Variants in GRIN2A observed in about 807,000 individuals in gnomAD.
The protein encoded by GRIN2A is glutamate ionotropic receptor NMDA type subunit 2A, also known as glutamate receptor ionotropic, NMDA 2A.
GRIN2A carries 22 observed loss-of-function variants against 113.4 expected under a neutral mutation model. The observed-to-expected ratio is 0.19, with a 90% CI of 0.14 to 0.28. GRIN2A has a LOEUF of 0.28. GRIN2A is among the 10% of genes least tolerant of loss of function. GRIN2A has a pLI of 1.00. For missense variants in GRIN2A, 1,502 were observed against 1,887.0 expected (o/e 0.80, Z 3.78); for synonymous variants, 827 against 738.4 (o/e 1.12, Z -1.94).
At chr16:9,931,038 G>T (rs1174060967) in intron 3 of GRIN2A, among the ~76,000 whole-genome samples, 2 of 152,120 alleles carry the variant, frequency 1.3e-5, no homozygotes, top group African/African-American at 4.8e-5. Context: ...CATCAATGAA[G>T]GCCAAATAAC....
At chr16:10,114,894 T>C (rs1235695550) in intron 2 of GRIN2A, among the ~76,000 whole-genome samples, 1 of 152,270 alleles carries the variant, frequency 6.6e-6, no homozygotes, top group Non-Finnish European at 1.5e-5. Context: ...ATATTTTCTA[T>C]GTAAAACTAA....
intron 2 of GRIN2A, among the ~76,000 whole-genome samples, chr16:10,092,921 C>A (rs2048209341): frequency 1.3e-5 from 2 of 150,874 alleles, no homozygotes; most frequent in African/African-American, 4.9e-5. Context: ...TCACTGCAGC[C>A]TCTGCCTCCT....
chr16:9,969,356 C>G (rs963696151), intron 2 of GRIN2A, among the ~76,000 whole-genome samples: 4 of 152,174 alleles, frequency 2.6e-5, no homozygotes, highest in African/African-American at 7.2e-5. Context: ...TAGATGCACA[C>G]TTTCTTCACT....
intron 11 of GRIN2A, among the ~76,000 whole-genome samples, chr16:9,775,507 C>T (rs76467303): frequency 6.6e-6 from 1 of 152,124 alleles, no homozygotes; most frequent in African/African-American, 2.4e-5. Context: ...GTGAGAGAGA[C>T]AGTCATGAAA....
In GRIN2A at chr16:9,849,209, CTA is replaced by C. The variant is rs2141367651; in HGVS notation, c.1328+545_1328+546del. Among the ~76,000 whole-genome samples the C allele has an allele frequency of 2.2e-5, 3 of 138,622 alleles. No homozygotes were observed. The South Asian group carries it at 6.7e-4, about 31-fold the overall frequency. The allele number at this position is 138,622 out of a possible 152,430, so 90.9% of individuals were successfully genotyped here. A position where few individuals can be genotyped will look rare whatever the true frequency, so the allele number is the denominator to read the frequency against. On this transcript the variant is annotated intron_variant, in intron 5 of 12. Transcript: ENST00000330684. ...TTTAAATATATAAAATATATAATTT[CTA>C]TATATTTATATATAATGTTTTATAT... is the stretch of plus-strand genomic sequence containing the variant.
intron 3 of GRIN2A, among the ~76,000 whole-genome samples, chr16:9,907,039 T>C (rs1212665940): frequency 1.3e-5 from 2 of 152,236 alleles, no homozygotes; most frequent in South Asian, 2.1e-4. Context: ...TCATGAACCC[T>C]TGGACTCGAG....
intron 3 of GRIN2A, among the ~76,000 whole-genome samples, chr16:9,914,004 G>A (rs771465064): frequency 2.0e-5 from 3 of 151,710 alleles, no homozygotes; most frequent in Non-Finnish European, 4.4e-5. Context: ...AATCCATTAC[G>A]TGAAGGCATT....
intron 2 of GRIN2A, among the ~76,000 whole-genome samples, chr16:10,148,025 C>T (rs564754131): frequency 9.5e-4 from 144 of 152,320 alleles, no homozygotes; most frequent in Non-Finnish European, 1.6e-3. Flanking sequence ...GACTTGCCTT[C>T]CTGAGCTTCC....
At chr16:10,077,801 C>T (rs1461705736) in intron 2 of GRIN2A, among the ~76,000 whole-genome samples, 1 of 152,178 alleles carries the variant, frequency 6.6e-6, no homozygotes, top group African/African-American at 2.4e-5. Context: ...TGCTCTTCTG[C>T]GTAGCCCACT....
At chr16:9,940,116 G>C (rs1013963200) in intron 2 of GRIN2A, among the ~76,000 whole-genome samples, 1 of 151,296 alleles carries the variant, frequency 6.6e-6, no homozygotes, top group Admixed American at 6.6e-5. Context: ...ATGTTTTTCA[G>C]AACAATACTT....
intron 2 of GRIN2A, 40 bp from the exon 3 acceptor site, chr16:9,938,591 A>C: frequency 6.7e-7 from 1 of 1,482,306 alleles, no homozygotes; most frequent in South Asian, 1.1e-5. Flanking sequence ...ATGAGGCAGG[A>C]GGTGGTTTAT....
chr16:9,881,982 T>G (rs1205209440), intron 4 of GRIN2A, among the ~76,000 whole-genome samples: 1 of 152,174 alleles, frequency 6.6e-6, no homozygotes, highest in Admixed American at 6.6e-5. Context: ...GAACAATGTT[T>G]GCATAAATAC....
chr16:10,180,574 T>G lies in GRIN2A; in HGVS notation c.-18-145A>C. On this transcript the variant is annotated intron_variant, in intron 1 of 12. Transcript: ENST00000330684. The surrounding 1 kb of genome is among the most constrained non-coding windows in gnomAD (Gnocchi z 7.0). ...CTGGGATCACGGACTCCATTCCGAGTCCCCGACGCCATCCACATCCCTCGA... is the reference window on the plus strand; with the variant it reads ...CTGGGATCACGGACTCCATTCCGAGGCCCCGACGCCATCCACATCCCTCGA... 3.5e-6 allele frequency: 5 copies of G among 1,426,102 alleles called. No individual in the cohort carries two copies. In the South Asian group the frequency reaches 4.2e-5, roughly 12 times the overall value. 88.3% of individuals were successfully genotyped at this position (1,426,102 alleles called of 1,614,324 possible).
chr16:10,175,565 C>T (rs1451138914), intron 2 of GRIN2A, among the ~76,000 whole-genome samples: 1 of 152,154 alleles, frequency 6.6e-6, no homozygotes, highest in Non-Finnish European at 1.5e-5. Flanking sequence ...AATGAAAAGG[C>T]ATTATTTTTA....
At chr16:9,870,275 C>A (rs2043234868) in intron 4 of GRIN2A, among the ~76,000 whole-genome samples, 1 of 152,134 alleles carries the variant, frequency 6.6e-6, no homozygotes, top group Non-Finnish European at 1.5e-5. Context: ...ATAAATGTAA[C>A]CCAAGCTTTC....
intron 3 of GRIN2A, among the ~76,000 whole-genome samples, chr16:9,893,767 G>A (rs1356514821): frequency 1.3e-5 from 2 of 152,078 alleles, no homozygotes; most frequent in Non-Finnish European, 2.9e-5. Flanking sequence ...ACACCTGCCG[G>A]AAGGATATTT....
intron 2 of GRIN2A, chr16:10,171,401 G>A (rs748589694): frequency 5.3e-5 from 8 of 152,164 alleles, no homozygotes; most frequent in African/African-American, 7.2e-5. Flanking sequence ...CCTAAGCCTC[G>A]TGCAAACATA....
intron 3 of GRIN2A, among the ~76,000 whole-genome samples, chr16:9,934,727 T>TTTTTG (rs2044673023): frequency 6.6e-6 from 1 of 151,200 alleles, no homozygotes; most frequent in Admixed American, 6.6e-5. Flanking sequence ...CCTTTTTGTT[T>TTTTTG]TTTTGTTTTT....
chr16:10,118,342 G>C (rs1401546323), intron 2 of GRIN2A, among the ~76,000 whole-genome samples: 1 of 151,260 alleles, frequency 6.6e-6, no homozygotes, highest in Non-Finnish European at 1.5e-5. Flanking sequence ...AGGGAACTAT[G>C]GTCACCCCCA....
Sources: allele counts gnomAD v4.1 joint callset (sites outside exome capture counted in the v4.1 genomes callset), GRCh38; gene constraint gnomAD v4.1.1; non-coding constraint Gnocchi (gnomAD v3.1); transcripts MANE v1.5; gene names NCBI Gene and HGNC (gene_info 2026-07-23, HGNC 2026-07-21).